SAMD5: variants seen among roughly 807,000 people sequenced by gnomAD.
SAMD5 encodes the protein sterile alpha motif domain-containing protein 5.
SAMD5 carries 13 observed loss-of-function variants against 11.3 expected under a neutral mutation model. The observed-to-expected ratio is 1.15, with a 90% CI of 0.75 to 1.83. The LOEUF is 1.83. SAMD5 is among the 40% of genes most tolerant of loss of function. SAMD5 has a pLI of 0.00. For missense variants in SAMD5, 255 were observed against 239.1 expected, an observed-to-expected ratio of 1.07 and a Z score of -0.44; for synonymous variants, 129 against 111.3, an observed-to-expected ratio of 1.16 and a Z score of -1.00.
the SAMD5 span, among the ~76,000 whole-genome samples, chr6:147,793,415 T>A: frequency 2.0e-5 from 3 of 152,172 alleles, no homozygotes; most frequent in Admixed American, 6.6e-5. Context: ...CTAAGTATTA[T>A]GTTGTATTGG....
At chr6:147,923,270 A>G in the SAMD5 span, among the ~76,000 whole-genome samples, 10 of 152,232 alleles carry the variant, frequency 6.6e-5, no homozygotes, top group Non-Finnish European at 1.3e-4. Context: ...TGTATTTGAT[A>G]TGCTGAATGA....
Position 147,734,637 on chromosome 6 carries a change from C to T in SAMD5, c.163-2680C>T, listed in dbSNP as rs147175558. The stretch of plus-strand genomic sequence containing the variant: ...CTGAGGCAGGAGAATGGCGTGAACC[C>T]GGGAGGTGGAGCTTGCAGTCAGCCG... On this transcript the variant is annotated intron_variant, in intron 1 of 1. Transcript: ENST00000566741. Among the ~76,000 whole-genome samples, 468 of 139,302 alleles carry T rather than the reference C, an allele frequency of 3.4e-3. 1 individual carries two copies. Among genetic ancestry groups the T allele is most frequent in the Middle Eastern group, 8.8e-3 (2 of 228 alleles). The allele number at this position is 139,302 out of a possible 152,430, so 91.4% of individuals were successfully genotyped here.
At chr6:147,730,185 C>A in intron 1 of SAMD5, 1 of 406,676 alleles carries the variant, frequency 2.5e-6, no homozygotes. Flanking sequence ...GCCTTGGGGG[C>A]ATGCCTTTGG....
At chr6:147,878,737 T>A in the SAMD5 span, among the ~76,000 whole-genome samples, 1 of 151,574 alleles carries the variant, frequency 6.6e-6, no homozygotes, top group South Asian at 2.1e-4. Context: ...TATATATAGG[T>A]CCTATTTCTC....
intron 1 of SAMD5, among the ~76,000 whole-genome samples, chr6:147,562,753 C>A (rs961629677): frequency 6.6e-6 from 1 of 151,696 alleles, no homozygotes; most frequent in African/African-American, 2.4e-5. Flanking sequence ...ACCCGGGAGG[C>A]GGAGCTTGCA....
the SAMD5 span, among the ~76,000 whole-genome samples, chr6:147,785,651 T>A: frequency 1.3e-4 from 20 of 152,288 alleles, no homozygotes; most frequent in Admixed American, 2.0e-4. Context: ...ATGTCCATAT[T>A]CTTACATAAA....
chr6:147,517,629 T>A (rs1411952875), intron 1 of SAMD5, among the ~76,000 whole-genome samples: 1 of 152,234 alleles, frequency 6.6e-6, no homozygotes, highest in African/African-American at 2.4e-5. Flanking sequence ...TTGAAAATAG[T>A]CACTTGGAAG....
chr6:147,844,318 G>C, the SAMD5 span, among the ~76,000 whole-genome samples: 1 of 152,130 alleles, frequency 6.6e-6, no homozygotes, highest in South Asian at 2.1e-4. Context: ...TACTAGATTG[G>C]CTATTATCAA....
the SAMD5 span, among the ~76,000 whole-genome samples, chr6:147,766,045 A>G: frequency 2.0e-5 from 3 of 151,898 alleles, no homozygotes; most frequent in African/African-American, 7.2e-5. Flanking sequence ...AGGAATCTCT[A>G]AAAAAGAAAC....
the SAMD5 span, among the ~76,000 whole-genome samples, chr6:147,752,411 A>G: frequency 6.6e-6 from 1 of 152,192 alleles, no homozygotes; most frequent in African/African-American, 2.4e-5. Context: ...ATATTTATGA[A>G]TTTTTCAATA....
At chr6:147,683,127 C>T (rs1375423818) in intron 1 of SAMD5, among the ~76,000 whole-genome samples, 1 of 152,210 alleles carries the variant, frequency 6.6e-6, no homozygotes, top group Non-Finnish European at 1.5e-5. Context: ...ATCATTGGGG[C>T]AGAGATTAGG....
intron 1 of SAMD5, among the ~76,000 whole-genome samples, chr6:147,612,089 G>A (rs1388419989): frequency 1.3e-5 from 2 of 152,172 alleles, no homozygotes; most frequent in Non-Finnish European, 2.9e-5. Context: ...GGGTAGTATA[G>A]GTTTAGTTGA....
intron 1 of SAMD5, among the ~76,000 whole-genome samples, chr6:147,697,430 A>G (rs1384300418): frequency 6.6e-6 from 1 of 152,200 alleles, no homozygotes; most frequent in Non-Finnish European, 1.5e-5. Flanking sequence ...ATTACAGAAA[A>G]CATGGGGTAT....
chr6:147,536,209 T>C (rs1454557963), intron 1 of SAMD5, among the ~76,000 whole-genome samples: 1 of 152,144 alleles, frequency 6.6e-6, no homozygotes, highest in African/African-American at 2.4e-5. Context: ...GGTCTCAATC[T>C]CCTGACCTCG....
At chr6:147,834,986 T>C in the SAMD5 span, among the ~76,000 whole-genome samples, 1 of 152,136 alleles carries the variant, frequency 6.6e-6, no homozygotes, top group African/African-American at 2.4e-5. Flanking sequence ...CCCAGCACTT[T>C]GGGAGGCCGA....
chr6:147,924,830 A>T, the SAMD5 span, among the ~76,000 whole-genome samples: 6 of 151,654 alleles, frequency 4.0e-5, no homozygotes, highest in East Asian at 1.9e-4. Context: ...TCAACTTCAG[A>T]AACTAGAGCT....
chr6:147,723,118 T>A (rs937150197), intron 1 of SAMD5, among the ~76,000 whole-genome samples: 11 of 152,192 alleles, frequency 7.2e-5, no homozygotes, highest in Admixed American at 5.2e-4. Flanking sequence ...TTAGGGCCAG[T>A]GGTGTGAGGA....
the SAMD5 span, among the ~76,000 whole-genome samples, chr6:147,769,334 A>G: frequency 7.9e-5 from 12 of 151,068 alleles, no homozygotes; most frequent in Non-Finnish European, 1.5e-4. Context: ...AATTTCCTAC[A>G]CTTCATCTTT....
the SAMD5 span, among the ~76,000 whole-genome samples, chr6:147,866,594 T>C: frequency 1.3e-5 from 2 of 152,180 alleles, no homozygotes; most frequent in African/African-American, 4.8e-5. Flanking sequence ...TACTTTTCCT[T>C]ATATTCCAAA....
Sources: allele counts gnomAD v4.1 joint callset (sites outside exome capture counted in the v4.1 genomes callset), GRCh38; gene constraint gnomAD v4.1.1; transcripts MANE v1.5; gene names NCBI Gene and HGNC (gene_info 2026-07-23, HGNC 2026-07-21).